Variants in ACVR1 observed in about 807,000 individuals in gnomAD.
ACVR1 encodes the protein activin A receptor type 1.
Under a neutral mutation model 57.1 loss-of-function variants are expected in ACVR1, and 38 were observed. The observed-to-expected ratio is 0.67, with a 90% CI of 0.51 to 0.87. ACVR1 has a LOEUF of 0.87. Among genes scored for constraint, ACVR1 ranks in the 40% least tolerant of loss-of-function variants. The pLI, the probability that ACVR1 is intolerant of heterozygous loss-of-function variation, is 0.00. For synonymous variants in ACVR1, 212 were observed against 228.1 expected, an observed-to-expected ratio of 0.93 and a Z score of 0.63; for missense variants, 463 against 638.2, an observed-to-expected ratio of 0.73 and a Z score of 2.96.
chr2:157,737,052 T>C lies in ACVR1; in HGVS notation c.*479A>G. ...AGTACGCAGCCAACATTTTGGCAAG[T>C]TGGGTCTTTAAAATTAAGAGTAACA... On this transcript the variant is annotated 3_prime_UTR_variant, in exon 11 of 11. Transcript: ENST00000434821. 3.6e-6 allele frequency: 1 copy of C among 279,812 alleles called. No homozygotes were observed. Among genetic ancestry groups the C allele is most frequent in the Non-Finnish European group, 6.7e-6 (1 of 149,518 alleles). 17.3% of individuals were successfully genotyped at this position (279,812 alleles called of 1,614,324 possible).
At position 157,765,983 on chromosome 2, in the gene ACVR1, C is replaced by T. The variant is rs1316254232; in HGVS notation, c.1004G>A (p.Arg335Gln). 10 of 1,613,976 alleles carry T rather than the reference C, an allele frequency of 6.2e-6. No individual in the cohort carries two copies. The highest frequency in any genetic ancestry group is 1.1e-5 in the South Asian group (1 of 91,086). The change falls in exon 8 of 11, where the codon CGA (arginine) becomes CAA (glutamine). Residue 335 changes from arginine (R) to glutamine (Q), a missense_variant. By Grantham distance (43) the Arg-to-Gln change is conservative. Transcript: ENST00000434821. Reference sequence around the variant, plus strand: ...CAGAATATTTTTGCTCTTTAAATCTCGATGGGCAATGGCTGGTTTCCCTTG... The same window carrying T: ...CAGAATATTTTTGCTCTTTAAATCTTGATGGGCAATGGCTGGTTTCCCTTG... ...GTQGKPAIAH[R>Q]DLKSKNILVK... is the part of the protein sequence containing the mutation.
chr2:157,827,412 G>A (rs988431176), intron 1 of ACVR1, among the ~76,000 whole-genome samples: 3 of 151,988 alleles, frequency 2.0e-5, no homozygotes, highest in Non-Finnish European at 4.4e-5. Context: ...ATGTGGCCTC[G>A]TTTTCTCATT....
At chr2:157,834,914 C>A (rs1265291920) in intron 1 of ACVR1, among the ~76,000 whole-genome samples, 1 of 152,108 alleles carries the variant, frequency 6.6e-6, no homozygotes, top group Non-Finnish European at 1.5e-5. Flanking sequence ...GAAGACAGAG[C>A]AAGAAGATGC....
rs532193935 is a variant in ACVR1, at chr2:157,855,269, AGTGTGTGTGTGTGTGTGTGT to A, written c.-183+20507_-183+20526del. 2.3e-5 allele frequency among the ~76,000 whole-genome samples: 2 copies of A among 85,180 alleles called. 1 individual carries two copies. The highest frequency in any genetic ancestry group is 1.1e-4 in the African/African-American group (2 of 17,910). The allele number at this position is 85,180 out of a possible 152,430, so 55.9% of individuals were successfully genotyped here. The stretch of plus-strand genomic sequence containing the variant: ...TCGTCTCTTAAAAAAAAAAAAAAAA[AGTGTGTGTGTGTGTGTGTGT>A]GTGTGTGTGTGTGTGTGTGTATATA... On this transcript the variant is annotated intron_variant, in intron 1 of 10. Transcript: ENST00000434821.
rs979341093 is a variant in ACVR1 at position 157,778,166 on chromosome 2, G to A, written c.508C>T (p.Leu170Phe). Residue 170 changes from leucine (L) to phenylalanine (F), a missense_variant, in exon 5 of 11, where the codon CTC (leucine) becomes TTC (phenylalanine). Transcript: ENST00000434821. ...RDVEYGTIEG[L>F]ITTNVGDSTL... The stretch of plus-strand genomic sequence containing the variant: ...CTGTCTCCAACATTGGTGGTGATGA[G>A]CCCTTCGATAGTGCCATACTCCACG... The A allele has an allele frequency of 6.2e-7, 1 of 1,613,680 alleles. No individual in the cohort carries two copies. The highest frequency in any genetic ancestry group is 8.5e-7 in the Non-Finnish European group (1 of 1,179,892).
chr2:157,737,074 A>G lies in ACVR1; in HGVS notation c.*457T>C, dbSNP rs1276387143. The G allele has an allele frequency of 3.6e-6, 1 of 279,950 alleles. No individual in the cohort carries two copies. The highest frequency in any genetic ancestry group is 6.7e-6 in the Non-Finnish European group (1 of 149,126). The allele number at this position is 279,950 out of a possible 1,614,324, so 17.3% of individuals were successfully genotyped here. ...AAGTTGGGTCTTTAAAATTAAGAGTAACAGTGCAAGTAAGGAATGCAAAGA... is the reference window on the plus strand; with the variant it reads ...AAGTTGGGTCTTTAAAATTAAGAGTGACAGTGCAAGTAAGGAATGCAAAGA... On this transcript the variant is annotated 3_prime_UTR_variant, in exon 11 of 11. Transcript: ENST00000434821.
intron 1 of ACVR1, among the ~76,000 whole-genome samples, chr2:157,829,540 G>A (rs1688509148): frequency 6.7e-6 from 1 of 149,488 alleles, no homozygotes; most frequent in Non-Finnish European, 1.5e-5. Context: ...TGATTTTCAT[G>A]ATCTGGCCCC....
chr2:157,832,855 G>T (rs79546804), intron 1 of ACVR1, among the ~76,000 whole-genome samples: 1,578 of 152,210 alleles, frequency 0.01, 33 homozygotes, highest in African/African-American at 0.034. Flanking sequence ...TCAGCTTTTT[G>T]ATCATTTGTG....
chr2:157,839,126 ACTGT>A (rs1198864084), intron 1 of ACVR1, among the ~76,000 whole-genome samples: 5 of 152,150 alleles, frequency 3.3e-5, no homozygotes, highest in Non-Finnish European at 7.4e-5. Flanking sequence ...AAAATCACTC[ACTGT>A]CTGAGCCACA....
chr2:157,741,524 C>G (rs1459756689), intron 9 of ACVR1, among the ~76,000 whole-genome samples: 1 of 151,486 alleles, frequency 6.6e-6, no homozygotes. Context: ...ACTAGGGAGG[C>G]TGAGGCAGGA....
At chr2:157,806,247 T>C (rs1214899476) in intron 2 of ACVR1, among the ~76,000 whole-genome samples, 1 of 152,116 alleles carries the variant, frequency 6.6e-6, no homozygotes, top group Non-Finnish European at 1.5e-5. Context: ...CATGCCTTCT[T>C]TCCATTTCCC....
intron 1 of ACVR1, among the ~76,000 whole-genome samples, chr2:157,826,876 G>GA (rs1248193275): frequency 6.9e-6 from 1 of 145,620 alleles, no homozygotes; most frequent in African/African-American, 2.5e-5. Context: ...GAAAGGAAAG[G>GA]AAAGGAAAGG....
chr2:157,819,095 A>G (rs1414346760), intron 1 of ACVR1, among the ~76,000 whole-genome samples: 2 of 150,834 alleles, frequency 1.3e-5, no homozygotes, highest in South Asian at 4.2e-4. Context: ...AAAAAAAAAA[A>G]AAAAAAAACC....
At chr2:157,742,157 C>A (rs1684799983) in intron 9 of ACVR1, among the ~76,000 whole-genome samples, 1 of 152,202 alleles carries the variant, frequency 6.6e-6, no homozygotes, top group Admixed American at 6.5e-5. Context: ...TGATTTACAA[C>A]AGTGCCTCAT....
intron 1 of ACVR1, among the ~76,000 whole-genome samples, chr2:157,849,401 T>C (rs902132859): frequency 2.0e-5 from 3 of 152,252 alleles, no homozygotes; most frequent in African/African-American, 7.2e-5. Context: ...ATACTTCCAA[T>C]AGTGTTCATT....
At chr2:157,843,470 A>G (rs772231214) in intron 1 of ACVR1, among the ~76,000 whole-genome samples, 6 of 130,516 alleles carry the variant, frequency 4.6e-5, no homozygotes, top group Non-Finnish European at 8.6e-5. Context: ...CCCAACACAC[A>G]TAATGACATA....
chr2:157,795,396 A>C (rs1290155300), intron 3 of ACVR1, among the ~76,000 whole-genome samples: 7 of 150,566 alleles, frequency 4.6e-5, no homozygotes, highest in Non-Finnish European at 7.4e-5. Flanking sequence ...ACACACACAC[A>C]CACACACACA....
At chr2:157,796,931 T>C (rs1687145067) in intron 3 of ACVR1, among the ~76,000 whole-genome samples, 1 of 152,216 alleles carries the variant, frequency 6.6e-6, no homozygotes, top group Admixed American at 6.5e-5. Context: ...ATTATGGGAA[T>C]ATCTTTAACA....
chr2:157,855,331 C>T (rs796254180), intron 1 of ACVR1, among the ~76,000 whole-genome samples: 2,300 of 130,652 alleles, frequency 0.018, 102 homozygotes, highest in African/African-American at 0.062. Flanking sequence ...TATACACACA[C>T]ACACACACAC....
Sources: allele counts gnomAD v4.1 joint callset (sites outside exome capture counted in the v4.1 genomes callset), GRCh38; gene constraint gnomAD v4.1.1; transcripts MANE v1.5; gene names NCBI Gene and HGNC (gene_info 2026-07-23, HGNC 2026-07-21).